AGTPBP1: variants seen among roughly 807,000 people sequenced by gnomAD.
AGTPBP1 encodes cytosolic carboxypeptidase 1.
In AGTPBP1, 70 loss-of-function variants were observed where a neutral mutation model predicts 143.9. The ratio of observed to expected loss-of-function variants is 0.49; its 90% CI spans 0.40 to 0.59. The LOEUF (loss-of-function observed/expected upper bound fraction) is 0.59. Among genes scored for constraint, AGTPBP1 ranks in the 20% least tolerant of loss-of-function variants. AGTPBP1 has a pLI of 0.00. For synonymous variants in AGTPBP1, 463 were observed against 500.2 expected, an observed-to-expected ratio of 0.93 and a Z score of 0.99; for missense variants, 1,229 against 1,464.5, an observed-to-expected ratio of 0.84 and a Z score of 2.62.
chr9:85,782,502 C>T, the AGTPBP1 span, among the ~76,000 whole-genome samples: 16 of 151,900 alleles, frequency 1.1e-4, no homozygotes, highest in South Asian at 4.2e-4. Flanking sequence ...GCCACAAGAG[C>T]GAAACTCTGT....
chr9:85,669,361 A>C, intron 8 of AGTPBP1, 124 bp downstream of exon 8: 1 of 473,238 alleles, frequency 2.1e-6, no homozygotes, highest in East Asian at 3.4e-5. Context: ...TCATTATTTA[A>C]GAACTAAGAA....
intron 1 of AGTPBP1, among the ~76,000 whole-genome samples, chr9:85,712,805 G>A (rs899363671): frequency 1.3e-5 from 2 of 152,108 alleles, no homozygotes; most frequent in Non-Finnish European, 2.9e-5. Flanking sequence ...CTACAAAAAC[G>A]CAGAAACCTA....
intron 25 of AGTPBP1, among the ~76,000 whole-genome samples, chr9:85,566,529 C>CA (rs72129899): frequency 0.41 from 32,373 of 78,258 alleles, 6,945 homozygotes; most frequent in Middle Eastern, 0.52. Context: ...GACCATGTCT[C>CA]AAAAAAAAAA....
chr9:85,588,220 G>T, intron 21 of AGTPBP1, 78 bp downstream of exon 21: 1 of 1,210,196 alleles, frequency 8.3e-7, no homozygotes. Context: ...TGTTAACCTG[G>T]ACATTGTTAT....
chr9:85,560,146 T>C (rs1021686661), intron 25 of AGTPBP1, among the ~76,000 whole-genome samples: 1 of 152,044 alleles, frequency 6.6e-6, no homozygotes, highest in African/African-American at 2.4e-5. Context: ...TGGAAGCAGA[T>C]GGATGAAACT....
At chr9:85,659,004 C>G (rs534523908) in intron 9 of AGTPBP1, among the ~76,000 whole-genome samples, 1 of 152,078 alleles carries the variant, frequency 6.6e-6, no homozygotes, top group Non-Finnish European at 1.5e-5. Flanking sequence ...TTGTTAAAAG[C>G]CATTATGATC....
rs375735788 is a variant in AGTPBP1, at chr9:85,693,145, C to T, written c.33-332G>A. Among the ~76,000 whole-genome samples the T allele has an allele frequency of 8.5e-5, 13 of 152,314 alleles. 1 individual carries two copies. The highest frequency in any genetic ancestry group is 3.1e-4 in the African/African-American group (13 of 41,558). ...CACTTACTCTGCTCTCCTCAAAACT[C>T]TGATAATCCTTCTTCCCATCCGACT... is the stretch of plus-strand genomic sequence containing the variant. On this transcript the variant is annotated intron_variant, in intron 2 of 25. Transcript: ENST00000357081.
intron 8 of AGTPBP1, among the ~76,000 whole-genome samples, chr9:85,666,643 C>A (rs1053174871): frequency 6.6e-6 from 1 of 151,976 alleles, no homozygotes; most frequent in African/African-American, 2.4e-5. Context: ...TTTGGATATA[C>A]CCCATGTGGT....
chr9:85,762,657 A>T, the AGTPBP1 span, among the ~76,000 whole-genome samples: 1 of 151,430 alleles, frequency 6.6e-6, no homozygotes, highest in South Asian at 2.1e-4. Context: ...GCATTAGGAG[A>T]TATACCTAAT....
intron 14 of AGTPBP1, among the ~76,000 whole-genome samples, chr9:85,624,679 TTTTAA>T (rs1831161982): frequency 6.6e-6 from 1 of 152,208 alleles, no homozygotes; most frequent in South Asian, 2.1e-4. Flanking sequence ...TTTATCTACT[TTTTAA>T]TTTAAAATTT....
intron 25 of AGTPBP1, among the ~76,000 whole-genome samples, chr9:85,568,096 T>C (rs1004572253): frequency 1.8e-4 from 28 of 152,114 alleles, no homozygotes; most frequent in Non-Finnish European, 4.1e-4. Context: ...AAGAGACTGA[T>C]CTGTTCTAAA....
At chr9:85,729,618 G>A (rs1838745964) in intron 1 of AGTPBP1, among the ~76,000 whole-genome samples, 2 of 151,552 alleles carry the variant, frequency 1.3e-5, no homozygotes, top group African/African-American at 4.9e-5. Context: ...CATACATCTA[G>A]ATATATAGCT....
At chr9:85,722,633 G>C (rs1489493776) in intron 1 of AGTPBP1, among the ~76,000 whole-genome samples, 1 of 152,164 alleles carries the variant, frequency 6.6e-6, no homozygotes, top group Non-Finnish European at 1.5e-5. Context: ...CTTTAGCTCA[G>C]AGAAGTTTGT....
At chr9:85,642,686 A>T in intron 13 of AGTPBP1, 141 bp downstream of exon 13, 1 of 700,778 alleles carries the variant, frequency 1.4e-6, no homozygotes, top group East Asian at 2.6e-5. Flanking sequence ...TGACATAATT[A>T]TTCAATGCCA....
intron 21 of AGTPBP1, 103 bp from the exon 22 acceptor site, chr9:85,587,063 C>T (rs1427206413): frequency 6.4e-6 from 9 of 1,395,954 alleles, no homozygotes; most frequent in African/African-American, 1.4e-5. Flanking sequence ...CTTTATGCTT[C>T]TATTCCACTA....
chr9:85,734,151 G>A (rs962192917), intron 1 of AGTPBP1, among the ~76,000 whole-genome samples: 11 of 152,216 alleles, frequency 7.2e-5, no homozygotes, highest in East Asian at 1.9e-4. Context: ...TACTCAGGAC[G>A]CTGAGGCAGA....
chr9:85,648,527 T>A (rs1035095840), intron 11 of AGTPBP1, among the ~76,000 whole-genome samples: 9 of 152,036 alleles, frequency 5.9e-5, no homozygotes, highest in African/African-American at 1.7e-4. Flanking sequence ...AAGAAAGGGA[T>A]TGAATTAAGG....
At chr9:85,749,574 A>G in the AGTPBP1 span, among the ~76,000 whole-genome samples, 23 of 152,192 alleles carry the variant, frequency 1.5e-4, no homozygotes, top group Admixed American at 6.5e-5. Flanking sequence ...TCTTCAGAGC[A>G]GCAGTTCTTA....
intron 1 of AGTPBP1, among the ~76,000 whole-genome samples, chr9:85,713,174 A>G (rs1017858475): frequency 1.1e-4 from 16 of 152,338 alleles, no homozygotes; most frequent in African/African-American, 3.8e-4. Flanking sequence ...TTTAAATACC[A>G]ATGCTTACTG....
Sources: allele counts gnomAD v4.1 joint callset (sites outside exome capture counted in the v4.1 genomes callset), GRCh38; gene constraint gnomAD v4.1.1; transcripts MANE v1.5; gene names NCBI Gene and HGNC (gene_info 2026-07-23, HGNC 2026-07-21).